PAQR5: variants seen among roughly 807,000 people sequenced by gnomAD.
PAQR5 encodes progestin and adipoQ receptor family member 5, also known as membrane progestin receptor gamma.
Under a neutral mutation model 34.5 loss-of-function variants are expected in PAQR5, and 20 were observed. The observed-to-expected ratio is 0.58, with a 90% CI of 0.41 to 0.84. PAQR5 has a LOEUF of 0.84. Ranked by LOEUF, PAQR5 falls within the 40% of genes least tolerant of loss-of-function variation. The pLI is 0.00. For missense variants in PAQR5, 378 were observed against 412.7 expected, an observed-to-expected ratio of 0.92 and a Z score of 0.73; for synonymous variants, 131 against 155.6, an observed-to-expected ratio of 0.84 and a Z score of 1.18.
At chr15:69,392,536 G>A (rs1273385161) in intron 6 of PAQR5, among the ~76,000 whole-genome samples, 2 of 152,134 alleles carry the variant, frequency 1.3e-5, no homozygotes, top group African/African-American at 2.4e-5. Flanking sequence ...TTCCTTAAAT[G>A]CCTGCCATAC....
At chr15:69,381,951 C>T (rs1001567417) in intron 4 of PAQR5, among the ~76,000 whole-genome samples, 1 of 152,100 alleles carries the variant, frequency 6.6e-6, no homozygotes, top group East Asian at 1.9e-4. Flanking sequence ...TTTGTGGAAG[C>T]GAGGTGCTCT....
chr15:69,369,797 T>C (rs1219918925), intron 3 of PAQR5, among the ~76,000 whole-genome samples: 1 of 151,732 alleles, frequency 6.6e-6, no homozygotes, highest in Admixed American at 6.6e-5. Flanking sequence ...TTCTGGCTGG[T>C]TGAATTTATT....
At position 69,404,124 on chromosome 15, in the gene PAQR5, T is replaced by C. The variant is rs919836343; in HGVS notation, c.*302T>C. 9.3e-5 allele frequency: 29 copies of C among 310,850 alleles called. No homozygotes were observed. The highest frequency in any genetic ancestry group is 1.2e-5 in the Non-Finnish European group (2 of 165,908). 19.3% of individuals were successfully genotyped at this position (310,850 alleles called of 1,614,324 possible). Reference sequence around the variant, plus strand: ...GTGGTTTTAAATTCTATTTAAACATTTGGATTAAGCATATTACTCTGGAGC... The same window carrying C: ...GTGGTTTTAAATTCTATTTAAACATCTGGATTAAGCATATTACTCTGGAGC... On this transcript the variant is annotated 3_prime_UTR_variant, in exon 9 of 9. Transcript: ENST00000395407.
intron 6 of PAQR5, chr15:69,391,604 C>T (rs1436496343): frequency 4.4e-6 from 2 of 454,888 alleles, no homozygotes; most frequent in African/African-American, 2.0e-5. Flanking sequence ...GGAACCTGGA[C>T]ACTCTTGGAC....
chr15:69,320,760 A>G (rs908374296), intron 1 of PAQR5, among the ~76,000 whole-genome samples: 3 of 152,232 alleles, frequency 2.0e-5, no homozygotes, highest in Non-Finnish European at 2.9e-5. Context: ...CTCAAAATTC[A>G]GTCATGGAAA....
At chr15:69,311,843 T>C (rs2053841330) in intron 1 of PAQR5, among the ~76,000 whole-genome samples, 2 of 152,232 alleles carry the variant, frequency 1.3e-5, no homozygotes. Flanking sequence ...CAACATTGCC[T>C]CTGTTATCAC....
At chr15:69,328,506 G>A (rs2054304222) in intron 1 of PAQR5, among the ~76,000 whole-genome samples, 1 of 152,208 alleles carries the variant, frequency 6.6e-6, no homozygotes, top group Non-Finnish European at 1.5e-5. Context: ...GTCCCTCCTG[G>A]AGGAGGCTGA....
chr15:69,397,564 G>A lies in PAQR5; in HGVS notation c.609G>A (p.Arg203=), dbSNP rs1214235406. The change falls in exon 7 of 9, where the codon AGG becomes AGA. Residue 203 remains arginine, a splice_region_variant and synonymous_variant. Transcript: ENST00000395407. ...GGGACTCCCTCCCCATCTTCTACAG[G>A]GTAAGGACTGGCTGCATCTCCTCTC... The part of the protein sequence containing the change: ...YTWDSLPIFY[R]LFLFPGESAQ... 3.8e-6 allele frequency: 6 copies of A among 1,587,242 alleles called. No homozygotes were observed. The highest frequency in any genetic ancestry group is 5.2e-6 in the Non-Finnish European group (6 of 1,155,454).
chr15:69,359,590 G>A lies in PAQR5; in HGVS notation c.-115-376G>A, dbSNP rs536111067. ...TTTTCGCAGTGCTTTTCTATACAAT[G>A]TCTGTAATCTATAGATAACATAACT... On this transcript the variant is annotated intron_variant, in intron 2 of 8. Coordinates refer to ENST00000395407, the MANE Select transcript of PAQR5 (RefSeq NM_017705.4). Among the ~76,000 whole-genome samples the A allele has an allele frequency of 3.3e-5, 5 of 152,218 alleles. No individual in the cohort carries two copies. The South Asian group carries it at 1.0e-3, about 32-fold the overall frequency.
intron 2 of PAQR5, among the ~76,000 whole-genome samples, chr15:69,343,477 G>T (rs1172371148): frequency 6.6e-6 from 1 of 152,148 alleles, no homozygotes; most frequent in Admixed American, 6.5e-5. Flanking sequence ...CCAGGAATAT[G>T]GTCTTCCACT....
rs377659344 is a variant in PAQR5, at chr15:69,299,358, T to C, written c.-277+302T>C. ...AGCTGTTGCCTTCTCGCACCTTTTC[T>C]CTCACTCTCCAGGGCGTTTGCGCCG... On this transcript the variant is annotated intron_variant, in intron 1 of 8. Transcript: ENST00000395407. Among the ~76,000 whole-genome samples the C allele has an allele frequency of 2.3e-3, 344 of 152,300 alleles. 16 individuals are homozygous for C. In the South Asian group the frequency reaches 0.069, roughly 30 times the overall value.
intron 1 of PAQR5, among the ~76,000 whole-genome samples, chr15:69,300,865 CTTTCTTTCTTTCTTTCTTTCTTT>C (rs2053565146): frequency 9.9e-5 from 2 of 20,212 alleles, no homozygotes; most frequent in African/African-American, 2.9e-4. Context: ...TTCTTTCTTT[CTTTCTTTCTTTCTTTCTTTCTTT>C]CTTTCTTCCT....
chr15:69,371,915 C>T (rs746754266), intron 3 of PAQR5, among the ~76,000 whole-genome samples: 3 of 152,150 alleles, frequency 2.0e-5, no homozygotes, highest in Non-Finnish European at 4.4e-5. Context: ...TTCTGTTACA[C>T]TGATTTCTTC....
chr15:69,329,491 A>G (rs2054332153), intron 1 of PAQR5, among the ~76,000 whole-genome samples: 2 of 63,912 alleles, frequency 3.1e-5, no homozygotes, highest in African/African-American at 7.0e-5. Context: ...TTTTTTTTGG[A>G]GAGAGAGCCT....
chr15:69,338,356 C>T (rs2054559965), intron 2 of PAQR5, among the ~76,000 whole-genome samples: 1 of 152,214 alleles, frequency 6.6e-6, no homozygotes, highest in African/African-American at 2.4e-5. Flanking sequence ...CAAGCTAATG[C>T]TTTCAAATCT....
At chr15:69,324,581 A>G (rs1237347635) in intron 1 of PAQR5, among the ~76,000 whole-genome samples, 1 of 152,186 alleles carries the variant, frequency 6.6e-6, no homozygotes, top group Non-Finnish European at 1.5e-5. Flanking sequence ...CCTTGCCACC[A>G]CAATTGGAGT....
chr15:69,320,700 A>G (rs2054075023), intron 1 of PAQR5, among the ~76,000 whole-genome samples: 1 of 152,234 alleles, frequency 6.6e-6, no homozygotes. Flanking sequence ...AGCAGATAAA[A>G]TAAACAAAAA....
chr15:69,367,292 A>G (rs1445936665), intron 3 of PAQR5, among the ~76,000 whole-genome samples: 2 of 148,868 alleles, frequency 1.3e-5, no homozygotes, highest in African/African-American at 5.0e-5. Context: ...TTCATATGCT[A>G]TTTTTCCCTT....
intron 2 of PAQR5, among the ~76,000 whole-genome samples, chr15:69,359,411 C>T (rs994742190): frequency 6.6e-6 from 1 of 152,114 alleles, no homozygotes; most frequent in Non-Finnish European, 1.5e-5. Context: ...TCTCAAGGGC[C>T]GAGCTCCCCA....
Sources: allele counts gnomAD v4.1 joint callset (sites outside exome capture counted in the v4.1 genomes callset), GRCh38; gene constraint gnomAD v4.1.1; transcripts MANE v1.5; gene names NCBI Gene and HGNC (gene_info 2026-07-23, HGNC 2026-07-21).